NFIC: variants seen among roughly 807,000 people sequenced by gnomAD.
NFIC encodes the protein nuclear factor I C.
In NFIC, 12 loss-of-function variants were observed where a neutral mutation model predicts 54.4. The observed-to-expected ratio is 0.22, with a 90% CI of 0.14 to 0.36. NFIC has a LOEUF of 0.36. Among genes scored for constraint, NFIC ranks in the 10% least tolerant of loss-of-function variants. The probability of loss-of-function intolerance (pLI) is 1.00; values close to 1 mark genes in which losing one functional copy is unlikely to be tolerated. For missense variants in NFIC, 575 were observed against 718.2 expected (o/e 0.80, Z 2.28); for synonymous variants, 322 against 319.2 (o/e 1.01, Z -0.09).
chr19:3,372,968 C>A (rs2081048387), intron 1 of NFIC, among the ~76,000 whole-genome samples: 1 of 152,122 alleles, frequency 6.6e-6, no homozygotes, highest in African/African-American at 2.4e-5. Flanking sequence ...CCTCAGCTTC[C>A]CAAGTAGATG....
At chr19:3,393,816 CAAAAAAAA>C (rs35101011) in intron 2 of NFIC, among the ~76,000 whole-genome samples, 6 of 55,722 alleles carry the variant, frequency 1.1e-4, no homozygotes, top group East Asian at 5.5e-4. Context: ...GACTCTGTCT[CAAAAAAAA>C]AAAAAAAAAA....
At chr19:3,361,387 C>T (rs560782386) in intron 1 of NFIC, among the ~76,000 whole-genome samples, 33 of 152,198 alleles carry the variant, frequency 2.2e-4, no homozygotes, top group Admixed American at 1.8e-3. Flanking sequence ...GTAGGGGCAC[C>T]GGGACTGGTC....
chr19:3,394,513 T>TCCCCCCCCGCCCCC (rs1192475558), intron 2 of NFIC, among the ~76,000 whole-genome samples: 7 of 9,008 alleles, frequency 7.8e-4, no homozygotes, highest in African/African-American at 2.3e-3. Flanking sequence ...TTATGATCTT[T>TCCCCCCCCGCCCCC]TCCCCACCCA....
chr19:3,435,011 C>A (rs2082176601), intron 5 of NFIC, 72 bp from the exon 6 acceptor site: 1 of 1,477,430 alleles, frequency 6.8e-7, no homozygotes, highest in African/African-American at 1.4e-5. Context: ...CCGGAAGTAG[C>A]AAAGCCCGCC....
At chr19:3,392,067 C>CTTTTTTTT (rs781703569) in intron 2 of NFIC, among the ~76,000 whole-genome samples, 4 of 101,314 alleles carry the variant, frequency 3.9e-5, no homozygotes, top group African/African-American at 1.3e-4. Flanking sequence ...GATAATAGCT[C>CTTTTTTTT]TTTTTTTTTT....
rs1199545153 is a variant in NFIC at position 3,366,664 on chromosome 19, C to G, written c.28C>G (p.Gln10Glu). 6.8e-7 allele frequency: 1 copy of G among 1,469,106 alleles called. No homozygotes were observed. The highest frequency in any genetic ancestry group is 9.0e-7 in the Non-Finnish European group (1 of 1,113,792). The allele number at this position is 1,469,106 out of a possible 1,614,324, so 91.0% of individuals were successfully genotyped here. A position where few individuals can be genotyped will look rare whatever the true frequency, so the allele number is the denominator to read the frequency against. ...GTATTCGTCCCCGCTCTGCCTCACC[C>G]AGGTACGGTCCTCGCCCGGCCCCCC... Reference protein sequence around the residue: MYSSPLCLTQDEFHPFIEAL... With the variant: MYSSPLCLTEDEFHPFIEAL... The change falls in exon 1 of 11, where the codon CAG becomes GAG. Residue 10 changes from glutamine to glutamate, a missense_variant and splice_region_variant. By Grantham distance (29) the Gln-to-Glu change is conservative. This residue lies in a region of NFIC where 122 missense variants were observed against 158.0 expected (regional missense o/e 0.77). Transcript: ENST00000443272.
chr19:3,417,155 G>C (rs1425651016), intron 2 of NFIC, among the ~76,000 whole-genome samples: 1 of 150,942 alleles, frequency 6.6e-6, no homozygotes, highest in Admixed American at 6.6e-5. Flanking sequence ...AAAGTGCTGG[G>C]ATTACAGGCG....
chr19:3,440,856 G>T (rs2082283568), intron 6 of NFIC, among the ~76,000 whole-genome samples: 1 of 152,114 alleles, frequency 6.6e-6, no homozygotes, highest in Non-Finnish European at 1.5e-5. Context: ...TTCCCAAATA[G>T]TGACTTGCTC....
intron 6 of NFIC, among the ~76,000 whole-genome samples, chr19:3,445,033 A>G (rs1197255084): frequency 1.3e-5 from 2 of 151,252 alleles, no homozygotes; most frequent in Admixed American, 6.6e-5. Flanking sequence ...GCATACACAT[A>G]CACAGATATG....
chr19:3,378,694 C>T (rs964792165), intron 1 of NFIC, among the ~76,000 whole-genome samples: 2 of 152,212 alleles, frequency 1.3e-5, no homozygotes, highest in Non-Finnish European at 2.9e-5. Context: ...CCAGCTCTGG[C>T]CCAGTCTCAG....
At chr19:3,449,385 C>T (rs578025054) in intron 7 of NFIC, among the ~76,000 whole-genome samples, 3 of 152,236 alleles carry the variant, frequency 2.0e-5, no homozygotes, top group African/African-American at 7.2e-5. Context: ...TGCAACCTAA[C>T]TTCACCTCAC....
chr19:3,390,190 G>A (rs1271869800), intron 2 of NFIC, among the ~76,000 whole-genome samples: 2 of 152,244 alleles, frequency 1.3e-5, no homozygotes, highest in African/African-American at 4.8e-5. Flanking sequence ...TGTCTGGACA[G>A]CAGAGGGGTG....
chr19:3,444,191 G>C (rs753998829), intron 6 of NFIC, among the ~76,000 whole-genome samples: 3 of 128,910 alleles, frequency 2.3e-5, no homozygotes, highest in African/African-American at 5.5e-5. Context: ...GAGGAGGTCA[G>C]ATGGGCGTGT....
intron 1 of NFIC, among the ~76,000 whole-genome samples, chr19:3,379,673 C>CTTTTTTTTTTTT (rs370082450): frequency 9.8e-6 from 1 of 102,536 alleles, no homozygotes; most frequent in Non-Finnish European, 1.8e-5. Context: ...TTATTTCTTT[C>CTTTTTTTTTTTT]TTTTTTTTTT....
intron 2 of NFIC, among the ~76,000 whole-genome samples, chr19:3,396,712 T>TG (rs2145521689): frequency 6.6e-6 from 1 of 152,312 alleles, no homozygotes; most frequent in South Asian, 2.1e-4. Flanking sequence ...TCCCAGCACT[T>TG]GCAGAGGCCA....
In NFIC at chr19:3,452,434, G is replaced by C. The variant is rs1242076680; in HGVS notation, c.1085-48G>C. The C allele has an allele frequency of 2.1e-5, 33 of 1,600,936 alleles. No homozygotes were observed. The highest frequency in any genetic ancestry group is 2.6e-5 in the Non-Finnish European group (31 of 1,176,382). On this transcript the variant is annotated intron_variant, in intron 7 of 10. Transcript: ENST00000443272. This position sits in a 1 kb window ranked among gnomAD's most constrained non-coding sequence, Gnocchi z 5.3. The stretch of plus-strand genomic sequence containing the variant: ...CACACAGTCACACGGTCACAGAGCA[G>C]ACCGGCTGGAGCCCCCAAGTAACCC...
chr19:3,426,630 C>G (rs1325483623), intron 3 of NFIC, among the ~76,000 whole-genome samples: 1 of 152,122 alleles, frequency 6.6e-6, no homozygotes, highest in Non-Finnish European at 1.5e-5. Context: ...AGCCCAGGTC[C>G]TCCCTGTGGC....
chr19:3,401,656 C>T (rs891078807), intron 2 of NFIC, among the ~76,000 whole-genome samples: 5 of 152,190 alleles, frequency 3.3e-5, no homozygotes, highest in Admixed American at 3.3e-4. Flanking sequence ...GCCCGTGGGG[C>T]TCTGGGCTCC....
upstream of NFIC, among the ~76,000 whole-genome samples, chr19:3,364,691 A>C (rs2080859418): frequency 6.6e-6 from 1 of 152,168 alleles, no homozygotes; most frequent in Non-Finnish European, 1.5e-5. Context: ...TCTGCTCTCT[A>C]AACTTCACCT....
Sources: allele counts gnomAD v4.1 joint callset (sites outside exome capture counted in the v4.1 genomes callset), GRCh38; gene constraint gnomAD v4.1.1; regional missense constraint gnomAD v4.1.1; non-coding constraint Gnocchi (gnomAD v3.1); transcripts MANE v1.5; gene names NCBI Gene and HGNC (gene_info 2026-07-23, HGNC 2026-07-21).